The following DNAJB6 variants were observed in gnomAD, a reference collection of about 807,000 sequenced individuals.
The protein encoded by DNAJB6 is DnaJ heat shock protein family (Hsp40) member B6.
In DNAJB6, 16 loss-of-function variants were observed where a neutral mutation model predicts 42.7. The ratio of observed to expected loss-of-function variants is 0.37; its 90% CI spans 0.25 to 0.57. DNAJB6 has a LOEUF of 0.57. Among genes scored for constraint, DNAJB6 ranks in the 20% least tolerant of loss-of-function variants. DNAJB6 has a pLI of 0.74. For synonymous variants in DNAJB6, 170 were observed against 163.5 expected, an observed-to-expected ratio of 1.04 and a Z score of -0.30; for missense variants, 347 against 416.8, an observed-to-expected ratio of 0.83 and a Z score of 1.46.
rs1035210883 is a variant in DNAJB6 at position 157,412,716 on chromosome 7, A to G, written c.898+2715A>G. 2.6e-5 allele frequency: 4 copies of G among 152,226 alleles called. No homozygotes were observed. In the East Asian group the frequency reaches 7.7e-4, roughly 29 times the overall value. The allele number at this position is 152,226 out of a possible 1,614,324, so 9.4% of individuals were successfully genotyped here. A position where few individuals can be genotyped will look rare whatever the true frequency, so the allele number is the denominator to read the frequency against. On this transcript the variant is annotated intron_variant, in intron 9 of 9. Transcript: ENST00000262177. ...ACAGTGAGGAGACCGGCCACCCGAC[A>G]GTATTGATGGCCCCCACTTTGGCCT...
At chr7:157,355,231 C>A (rs1799210902) in intron 1 of DNAJB6, among the ~76,000 whole-genome samples, 1 of 152,342 alleles carries the variant, frequency 6.6e-6, no homozygotes, top group African/African-American at 2.4e-5. Flanking sequence ...GCGATCTCGG[C>A]TCACTGCAGG....
chr7:157,386,883 CAAAAA>C (rs112149325), intron 8 of DNAJB6, among the ~76,000 whole-genome samples: 1 of 132,914 alleles, frequency 7.5e-6, no homozygotes, highest in Non-Finnish European at 1.7e-5. Flanking sequence ...GCCTTCATCT[CAAAAA>C]AAAAAAAAAA....
chr7:157,338,764 G>T (rs1798185245), intron 1 of DNAJB6, among the ~76,000 whole-genome samples: 1 of 152,234 alleles, frequency 6.6e-6, no homozygotes, highest in African/African-American at 2.4e-5. Context: ...GCGGGTTTTT[G>T]TGGATTACGC....
At chr7:157,369,631 GAGGCCCTTTCTTCACATTATTATTAAAC>G (rs1489416070) in intron 5 of DNAJB6, among the ~76,000 whole-genome samples, 19 of 133,166 alleles carry the variant, frequency 1.4e-4, no homozygotes, top group Middle Eastern at 3.8e-3. Context: ...TGTTATTAAA[GAGGCCCTTTCTTCACATTATTATTAAAC>G]AGGCCCCTTC....
intron 9 of DNAJB6, chr7:157,410,229 C>G (rs1795926339): frequency 1.9e-6 from 2 of 1,069,064 alleles, no homozygotes; most frequent in Non-Finnish European, 2.5e-6. Flanking sequence ...GTCCGCGTGT[C>G]CTGTACGCAG....
At chr7:157,378,279 A>T (rs1482690618) in intron 5 of DNAJB6, 1 of 152,212 alleles carries the variant, frequency 6.6e-6, no homozygotes, top group Non-Finnish European at 1.5e-5. Context: ...AGCACATTTG[A>T]TTAACACGTG....
At chr7:157,376,921 A>G (rs749898177) in intron 5 of DNAJB6, among the ~76,000 whole-genome samples, 1 of 152,176 alleles carries the variant, frequency 6.6e-6, no homozygotes, top group Non-Finnish European at 1.5e-5. Context: ...GTTTTGGCCC[A>G]GAAAGGCAGG....
chr7:157,361,262 G>A (rs1192136744), intron 2 of DNAJB6, among the ~76,000 whole-genome samples: 7 of 151,654 alleles, frequency 4.6e-5, no homozygotes, highest in Non-Finnish European at 7.4e-5. Context: ...AGGTTCAGGC[G>A]ATTCTCCTGC....
intron 1 of DNAJB6, among the ~76,000 whole-genome samples, chr7:157,348,768 C>T (rs149964907): frequency 3.3e-5 from 5 of 152,254 alleles, no homozygotes; most frequent in African/African-American, 9.6e-5. Context: ...CCTGTTCTTT[C>T]TTGTCCTGAC....
At chr7:157,411,696 G>C (rs1054909485) in intron 9 of DNAJB6, 1 of 152,202 alleles carries the variant, frequency 6.6e-6, no homozygotes, top group Non-Finnish European at 1.5e-5. Context: ...GGGCCGCCTG[G>C]GGGAGCCATG....
chr7:157,374,878 G>A (rs757028699), intron 5 of DNAJB6, among the ~76,000 whole-genome samples: 1 of 152,196 alleles, frequency 6.6e-6, no homozygotes, highest in Non-Finnish European at 1.5e-5. Flanking sequence ...TTTGTATAGT[G>A]TTTGGTTCAC....
intron 5 of DNAJB6, among the ~76,000 whole-genome samples, chr7:157,370,355 G>A (rs930274772): frequency 4.6e-5 from 7 of 151,436 alleles, no homozygotes; most frequent in East Asian, 3.9e-4. Flanking sequence ...TAAACAGGCC[G>A]TTTCTCAACA....
At chr7:157,382,870 T>C (rs910151901) in intron 6 of DNAJB6, 1 of 152,302 alleles carries the variant, frequency 6.6e-6, no homozygotes, top group African/African-American at 2.4e-5. Context: ...AGTTCACCGA[T>C]GGAAACAAGC....
chr7:157,382,053 A>G (rs1171797969), intron 5 of DNAJB6, 193 bp from the exon 6 acceptor site: 1 of 508,204 alleles, frequency 2.0e-6, no homozygotes, highest in East Asian at 3.6e-5. Flanking sequence ...TTTTAGTTGA[A>G]TTAAACTAGT....
chr7:157,412,781 C>T (rs985410442), intron 9 of DNAJB6: 7 of 152,260 alleles, frequency 4.6e-5, no homozygotes, highest in East Asian at 1.9e-4. Context: ...CAGGTCCTGT[C>T]GGAGCTCCCA....
chr7:157,410,128 C>T (rs1428660908), intron 9 of DNAJB6, 127 bp downstream of exon 9: 6 of 1,412,018 alleles, frequency 4.2e-6, no homozygotes, highest in Admixed American at 3.0e-5. Context: ...GGCGGTCGGG[C>T]GGGGCGGGAG....
chr7:157,383,504 T>C (rs1196759748), intron 6 of DNAJB6, among the ~76,000 whole-genome samples: 1 of 152,166 alleles, frequency 6.6e-6, no homozygotes, highest in Non-Finnish European at 1.5e-5. Context: ...CAACAGATCC[T>C]CTCATTTGAT....
chr7:157,351,591 C>T (rs1798975409), intron 1 of DNAJB6, among the ~76,000 whole-genome samples: 1 of 150,738 alleles, frequency 6.6e-6, no homozygotes, highest in Non-Finnish European at 1.5e-5. Flanking sequence ...TGAGATTGTG[C>T]CACTGCACTC....
chr7:157,337,293 G>T (rs1798088314), intron 1 of DNAJB6, 149 bp downstream of exon 1: 1 of 152,010 alleles, frequency 6.6e-6, no homozygotes, highest in Admixed American at 6.6e-5. Context: ...GGGGGCCGTG[G>T]CCGGGGTTGC....
Sources: allele counts gnomAD v4.1 joint callset (sites outside exome capture counted in the v4.1 genomes callset), GRCh38; gene constraint gnomAD v4.1.1; transcripts MANE v1.5; gene names NCBI Gene and HGNC (gene_info 2026-07-23, HGNC 2026-07-21).